Variants in NTM observed in about 807,000 individuals in gnomAD.
NTM encodes IgLON family member 2.
NTM carries 13 observed loss-of-function variants against 42.1 expected under a neutral mutation model. The observed-to-expected ratio is 0.31, with a 90% CI of 0.20 to 0.49. The LOEUF (loss-of-function observed/expected upper bound fraction) is 0.49. NTM is among the 20% of genes least tolerant of loss of function. NTM has a pLI of 0.99. For synonymous variants in NTM, 187 were observed against 179.2 expected (o/e 1.04, Z -0.35); for missense variants, 373 against 452.8 (o/e 0.82, Z 1.60).
intron 1 of NTM, among the ~76,000 whole-genome samples, chr11:131,762,651 A>G (rs1177690188): frequency 6.6e-6 from 1 of 152,152 alleles, no homozygotes; most frequent in Non-Finnish European, 1.5e-5. Context: ...TTTTCCAATC[A>G]CCAGGTTTGC....
chr11:131,390,234 G>A (rs73022111), intron 1 of NTM, among the ~76,000 whole-genome samples: 2,890 of 152,118 alleles, frequency 0.019, 79 homozygotes, highest in African/African-American at 0.063. Flanking sequence ...GAGGTGCCAC[G>A]GTCTTTTAAA....
chr11:131,507,966 T>G (rs1290351584), intron 1 of NTM, among the ~76,000 whole-genome samples: 4 of 152,258 alleles, frequency 2.6e-5, no homozygotes, highest in Admixed American at 2.0e-4. Context: ...ATTCAGGACA[T>G]AGGCACGGGC....
At chr11:132,216,574 A>G (rs940858356) in intron 4 of NTM, among the ~76,000 whole-genome samples, 14 of 152,226 alleles carry the variant, frequency 9.2e-5, no homozygotes, top group African/African-American at 3.4e-4. Flanking sequence ...AAAGCCCTGC[A>G]AGGTGTTCAC....
Position 131,467,790 on chromosome 11 carries a change from T to C in NTM, c.82+96902T>C, listed in dbSNP as rs552651433. The stretch of plus-strand genomic sequence containing the variant: ...AGTGTGTGCTGTGTGGGTCACAGTC[T>C]AGACAGGCTAAAAGCCACAGGATTG... On this transcript the variant is annotated intron_variant, in intron 1 of 8. Transcript: ENST00000683400. Among the ~76,000 whole-genome samples, 3 of 152,350 alleles carry C rather than the reference T, an allele frequency of 2.0e-5. No homozygotes were observed. The South Asian group carries it at 6.2e-4, about 32-fold the overall frequency.
At chr11:132,274,724 A>G (rs1013994502) in intron 4 of NTM, among the ~76,000 whole-genome samples, 9 of 152,132 alleles carry the variant, frequency 5.9e-5, no homozygotes, top group African/African-American at 9.7e-5. Context: ...ATAGCATTTA[A>G]TGTGTTCCAA....
chr11:132,108,043 A>G (rs2062637721), intron 2 of NTM, among the ~76,000 whole-genome samples: 1 of 151,950 alleles, frequency 6.6e-6, no homozygotes. Context: ...AATGATGCCT[A>G]CTCCTTCTCA....
chr11:131,826,387 T>C (rs1394715905), intron 1 of NTM, among the ~76,000 whole-genome samples: 1 of 151,878 alleles, frequency 6.6e-6, no homozygotes, highest in Non-Finnish European at 1.5e-5. Flanking sequence ...AGAAAAGCAA[T>C]TTTAACAAGA....
intron 1 of NTM, among the ~76,000 whole-genome samples, chr11:131,847,325 A>C (rs1430482535): frequency 6.6e-6 from 1 of 150,838 alleles, no homozygotes; most frequent in Non-Finnish European, 1.5e-5. Context: ...AATTAAATTT[A>C]ATTCTTATTA....
chr11:132,011,361 T>C (rs1169364722), intron 2 of NTM, among the ~76,000 whole-genome samples: 3 of 152,168 alleles, frequency 2.0e-5, no homozygotes, highest in Admixed American at 2.0e-4. Context: ...CTAACTGTGT[T>C]CTGGAATGAA....
chr11:132,058,552 A>G (rs2080100596), intron 2 of NTM, among the ~76,000 whole-genome samples: 2 of 152,156 alleles, frequency 1.3e-5, no homozygotes, highest in African/African-American at 4.8e-5. Context: ...CCCTCTTGAC[A>G]TGGGCACTTG....
intron 1 of NTM, among the ~76,000 whole-genome samples, chr11:131,526,071 G>C (rs2324517): frequency 0.21 from 32,432 of 152,016 alleles, 3,680 homozygotes; most frequent in African/African-American, 0.3. Context: ...GGTGTGCTCT[G>C]GCTCAATCCT....
chr11:132,035,544 G>A (rs565943780), intron 2 of NTM, among the ~76,000 whole-genome samples: 14 of 152,244 alleles, frequency 9.2e-5, no homozygotes, highest in African/African-American at 1.2e-4. Flanking sequence ...TAAAATATTC[G>A]GTGAAATGCC....
intron 1 of NTM, among the ~76,000 whole-genome samples, chr11:131,659,579 T>G (rs971281385): frequency 6.6e-6 from 1 of 152,280 alleles, no homozygotes; most frequent in Non-Finnish European, 1.5e-5. Flanking sequence ...GTAGTCATCC[T>G]TCTGAAGTAC....
chr11:131,435,562 G>C (rs1949054814), intron 1 of NTM, among the ~76,000 whole-genome samples: 1 of 152,136 alleles, frequency 6.6e-6, no homozygotes. Context: ...ATTCTGAATG[G>C]GAGTTCACTC....
intron 4 of NTM, among the ~76,000 whole-genome samples, chr11:132,272,051 T>A (rs1214409356): frequency 6.6e-6 from 1 of 152,156 alleles, no homozygotes; most frequent in East Asian, 1.9e-4. Flanking sequence ...AATTTTGTAT[T>A]TAGTATGTAG....
chr11:132,052,985 A>C (rs2079078189), intron 2 of NTM, among the ~76,000 whole-genome samples: 1 of 152,156 alleles, frequency 6.6e-6, no homozygotes, highest in African/African-American at 2.4e-5. Context: ...ACAACAAAAT[A>C]CTGCTTTTGT....
At chr11:132,272,175 T>A (rs187618995) in intron 4 of NTM, among the ~76,000 whole-genome samples, 1 of 152,284 alleles carries the variant, frequency 6.6e-6, no homozygotes, top group East Asian at 1.9e-4. Flanking sequence ...CAAAAATCAT[T>A]TGATCATAAC....
intron 2 of NTM, among the ~76,000 whole-genome samples, chr11:132,061,040 T>C (rs76712734): frequency 0.02 from 3,000 of 152,336 alleles, 39 homozygotes; most frequent in South Asian, 0.052. Context: ...TAATGCTGCA[T>C]TGAAGATATA....
chr11:131,687,830 T>A (rs2074101647), intron 1 of NTM, among the ~76,000 whole-genome samples: 1 of 151,878 alleles, frequency 6.6e-6, no homozygotes. Flanking sequence ...CTGCTGTAGA[T>A]CTTTGGATGG....
Sources: gnomAD v4.1 joint callset for allele counts (sites outside exome capture counted in the v4.1 genomes callset) on GRCh38, gnomAD v4.1.1 for gene constraint, MANE v1.5 for transcripts, NCBI Gene and HGNC (gene_info 2026-07-23, HGNC 2026-07-21) for gene names.